PRAME: variants seen among roughly 807,000 people sequenced by gnomAD.
The protein encoded by PRAME is melanoma antigen preferentially expressed in tumors.
A neutral mutation model predicts 32.1 loss-of-function variants in PRAME; 21 were observed. The ratio of observed to expected loss-of-function variants is 0.65; its 90% confidence interval spans 0.46 to 0.94. PRAME has a LOEUF of 0.94. Ranked by LOEUF, PRAME falls within the 40% of genes least tolerant of loss-of-function variation. PRAME has a pLI of 0.00. For missense variants in PRAME, 651 were observed against 622.3 expected (o/e 1.05, Z -0.49); for synonymous variants, 274 against 251.5 (o/e 1.09, Z -0.85).
In PRAME at chr22:22,557,571, C is replaced by T. The variant is rs563957746; in HGVS notation, c.-104G>A. On this transcript the variant is annotated 5_prime_UTR_variant, in exon 2 of 6. Coordinates refer to ENST00000405655, the MANE Select transcript of PRAME (RefSeq NM_206956.3). The stretch of plus-strand genomic sequence containing the variant: ...TTTTTCCTCAGAGAGTTCACCACAC[C>T]GCGAAGTTGCTGGAAGGAAAGAACG... 4.0e-5 allele frequency: 6 copies of T among 149,354 alleles called. No homozygotes were observed. In the East Asian group the frequency reaches 1.1e-3, roughly 27 times the overall value. 9.3% of individuals were successfully genotyped at this position (149,354 alleles called of 1,614,324 possible).
chr22:22,553,683 A>C, intron 3 of PRAME: 4 of 564,064 alleles, frequency 7.1e-6, no homozygotes, highest in Non-Finnish European at 9.0e-6. Context: ...GAGGTGGGAT[A>C]GAGAGTAATA....
intron 1 of PRAME, among the ~76,000 whole-genome samples, chr22:22,558,567 G>C (rs543853359): frequency 4.0e-4 from 54 of 134,312 alleles, no homozygotes; most frequent in African/African-American, 1.3e-3. Flanking sequence ...GTCAGAAGGT[G>C]GGGGGTGAGG....
In PRAME at chr22:22,556,858, G is replaced by A. The variant is rs768078892; in HGVS notation, c.-26C>T. 2 of 1,612,808 alleles carry A rather than the reference G, an allele frequency of 1.2e-6. No homozygotes were observed. Among genetic ancestry groups the A allele is most frequent in the South Asian group, 1.1e-5 (1 of 91,070 alleles). On this transcript the variant is annotated 5_prime_UTR_variant, in exon 3 of 6. Coordinates refer to ENST00000405655, the MANE Select transcript of PRAME (RefSeq NM_206956.3). ...TTTGAAGCGACTTAGGCTGGCCTCA[G>A]GACCTCCAACGCTTGGATTTCTAGG...
intron 3 of PRAME, among the ~76,000 whole-genome samples, chr22:22,553,536 A>G (rs147917790): frequency 2.0e-5 from 3 of 151,894 alleles, no homozygotes; most frequent in African/African-American, 7.3e-5. Flanking sequence ...GTTCCAGTAA[A>G]GCCAAGGTAA....
Position 22,550,150 on chromosome 22 carries a change from C to G in PRAME, c.529G>C (p.Val177Leu), listed in dbSNP as rs756062254. 3 of 1,613,842 alleles carry G rather than the reference C, an allele frequency of 1.9e-6. No individual in the cohort carries two copies. The South Asian group carries it at 3.3e-5, about 18-fold the overall frequency. The change falls in exon 5 of 6, where the codon GTG (valine) becomes CTG (leucine). Residue 177 changes from valine to leucine, a missense_variant. Transcript: ENST00000405655. ...TCCTTGAGGAACAGGTCTACGAGCA[C>G]CTCTACTGGAATGAAGGGCTGCTCT... The part of the protein sequence containing the change: ...EAEQPFIPVE[V>L]LVDLFLKEGA...
chr22:22,554,573 C>T (rs781722015), intron 3 of PRAME, among the ~76,000 whole-genome samples: 10 of 151,880 alleles, frequency 6.6e-5, no homozygotes, highest in Non-Finnish European at 1.0e-4. Flanking sequence ...CAGCAAAGGC[C>T]GCAGCAGCTC....
chr22:22,557,237 A>AC, intron 2 of PRAME: 1 of 205,056 alleles, frequency 4.9e-6, no homozygotes, highest in Non-Finnish European at 8.9e-6. Flanking sequence ...GCCGTCCCCA[A>AC]CCCCCAGCAC....
At chr22:22,549,690 T>C (rs1451582672) in intron 5 of PRAME, 36 bp downstream of exon 5, 10 of 1,549,174 alleles carry the variant, frequency 6.5e-6, no homozygotes, top group South Asian at 2.5e-5. Context: ...AGGAAGGGCT[T>C]GCTCTGGTCT....
chr22:22,555,567 CTA>C (rs1211081972), intron 3 of PRAME, among the ~76,000 whole-genome samples: 1 of 151,742 alleles, frequency 6.6e-6, no homozygotes, highest in Non-Finnish European at 1.5e-5. Flanking sequence ...CAGGGTCTTA[CTA>C]TGTTTCCCAG....
intron 2 of PRAME, 30 bp from the exon 3 acceptor site, chr22:22,556,939 A>G: frequency 1.4e-6 from 2 of 1,399,330 alleles, no homozygotes; most frequent in Non-Finnish European, 2.0e-6. Flanking sequence ...TGCTCCAAAA[A>G]GAAGAATACA....
rs781551688 is a variant in PRAME, at chr22:22,556,843, C to G, written c.-11G>C. 1.2e-5 allele frequency: 20 copies of G among 1,612,806 alleles called. No homozygotes were observed. The African/African-American group carries it at 1.5e-4, about 12-fold the overall frequency. ...ACGCCTTCGTTCCATTTTGAAGCGA[C>G]TTAGGCTGGCCTCAGGACCTCCAAC... On this transcript the variant is annotated 5_prime_UTR_variant, in exon 3 of 6. Coordinates refer to ENST00000405655, the MANE Select transcript of PRAME (RefSeq NM_206956.3).
chr22:22,549,720 C>T lies in PRAME; in HGVS notation c.953+6G>A. The T allele has an allele frequency of 1.3e-6, 2 of 1,590,288 alleles. No homozygotes were observed. The highest frequency in any genetic ancestry group is 1.7e-6 in the Non-Finnish European group (2 of 1,171,064). On this transcript the variant is annotated splice_donor_region_variant and intron_variant, in intron 5 of 5. Coordinates refer to ENST00000405655, the MANE Select transcript of PRAME (RefSeq NM_206956.3). Reference sequence around the variant, plus strand: ...TGGTCTGCAGAGAAATCTCACCATCCCTCACCTGAGCAACTGATCCAGGCG... The same window carrying T: ...TGGTCTGCAGAGAAATCTCACCATCTCTCACCTGAGCAACTGATCCAGGCG...
At chr22:22,551,169 G>T in intron 3 of PRAME, 80 bp from the exon 4 acceptor site, 2 of 1,336,584 alleles carry the variant, frequency 1.5e-6, no homozygotes, top group Non-Finnish European at 2.0e-6. Flanking sequence ...CCTTCTGAGG[G>T]ACCAACTTAG....
intron 3 of PRAME, among the ~76,000 whole-genome samples, chr22:22,552,526 C>T (rs1269567981): frequency 2.6e-5 from 4 of 151,448 alleles, no homozygotes; most frequent in Non-Finnish European, 4.4e-5. Flanking sequence ...TACTAATTAC[C>T]ATAATTTGAT....
chr22:22,556,393 C>T (rs2062919511), intron 3 of PRAME, among the ~76,000 whole-genome samples: 1 of 151,816 alleles, frequency 6.6e-6, no homozygotes, highest in Non-Finnish European at 1.5e-5. Context: ...TTACTGCAAC[C>T]TTCGCCTCCT....
intron 3 of PRAME, among the ~76,000 whole-genome samples, chr22:22,551,717 G>A (rs909970037): frequency 6.6e-6 from 1 of 151,802 alleles, no homozygotes; most frequent in African/African-American, 2.4e-5. Flanking sequence ...ATGGAAATCA[G>A]CGGAGCAAAC....
At chr22:22,554,872 G>A (rs561110424) in intron 3 of PRAME, among the ~76,000 whole-genome samples, 1 of 152,084 alleles carries the variant, frequency 6.6e-6, no homozygotes, top group South Asian at 2.1e-4. Context: ...GCTTCCAGGA[G>A]ATCCAAGGGA....
intron 3 of PRAME, among the ~76,000 whole-genome samples, chr22:22,555,165 G>A (rs1318664923): frequency 6.6e-6 from 1 of 152,000 alleles, no homozygotes; most frequent in Non-Finnish European, 1.5e-5. Flanking sequence ...CTTGTGGGCT[G>A]CACAGGCCAG....
At chr22:22,553,112 A>C (rs1339005926) in intron 3 of PRAME, among the ~76,000 whole-genome samples, 1 of 152,006 alleles carries the variant, frequency 6.6e-6, no homozygotes. Context: ...TATAACTGTT[A>C]GGGGAATTTT....
Sources: gnomAD v4.1 joint callset for allele counts (sites outside exome capture counted in the v4.1 genomes callset) on GRCh38, gnomAD v4.1.1 for gene constraint, MANE v1.5 for transcripts, NCBI Gene and HGNC (gene_info 2026-07-23, HGNC 2026-07-21) for gene names.